The following CCDC38 variants were observed in gnomAD, a reference collection of about 807,000 sequenced individuals.
CCDC38 encodes the protein coiled-coil domain containing 38.
CCDC38 carries 69 observed loss-of-function variants against 72.8 expected under a neutral mutation model. That is an observed-to-expected ratio of 0.95 (90% confidence interval 0.78 to 1.16). CCDC38 has a LOEUF of 1.16. Ranked by LOEUF, CCDC38 falls within the 50% of genes most tolerant of loss-of-function variation. The pLI is 0.00. For missense variants in CCDC38, 626 were observed against 638.9 expected, an observed-to-expected ratio of 0.98 and a Z score of 0.22; for synonymous variants, 201 against 213.2, an observed-to-expected ratio of 0.94 and a Z score of 0.50.
intron 1 of CCDC38, among the ~76,000 whole-genome samples, chr12:95,940,803 C>CT (rs555343533): frequency 1.5e-4 from 23 of 152,134 alleles, no homozygotes; most frequent in Admixed American, 7.2e-4. Flanking sequence ...CTTTAAGGCA[C>CT]TGCTGGCGTC....
At chr12:95,886,608 T>G (rs112768798) in intron 10 of CCDC38, among the ~76,000 whole-genome samples, 3 of 152,150 alleles carry the variant, frequency 2.0e-5, no homozygotes, top group Non-Finnish European at 4.4e-5. Flanking sequence ...ATTTTCAAAA[T>G]GCAACAGTTT....
intron 13 of CCDC38, among the ~76,000 whole-genome samples, chr12:95,877,086 C>A (rs996194725): frequency 3.9e-5 from 6 of 152,076 alleles, no homozygotes; most frequent in African/African-American, 1.2e-4. Context: ...CTCTCCAGGC[C>A]TCCACAGACA....
At chr12:95,867,703 G>A (rs745771672) in intron 15 of CCDC38, among the ~76,000 whole-genome samples, 6 of 152,140 alleles carry the variant, frequency 3.9e-5, no homozygotes, top group Non-Finnish European at 8.8e-5. Context: ...GAAACCCCGA[G>A]TTCATACCTA....
chr12:95,927,346 G>A (rs1232935700), intron 2 of CCDC38, among the ~76,000 whole-genome samples: 1 of 151,172 alleles, frequency 6.6e-6, no homozygotes, highest in Non-Finnish European at 1.5e-5. Flanking sequence ...TTTTATCAGA[G>A]ACTAGGATTG....
chr12:95,896,140 T>C (rs1592772895), intron 7 of CCDC38, among the ~76,000 whole-genome samples: 1 of 151,762 alleles, frequency 6.6e-6, no homozygotes, highest in Non-Finnish European at 1.5e-5. Context: ...TGAGGACCTA[T>C]TACTACAGGC....
chr12:95,872,144 C>T (rs1201338976), intron 14 of CCDC38, 111 bp downstream of exon 14: 1 of 924,124 alleles, frequency 1.1e-6, no homozygotes, highest in Non-Finnish European at 1.7e-6. Context: ...TTTCATTCCT[C>T]CTCACTGTGT....
chr12:95,934,744 C>G (rs533300799), intron 2 of CCDC38: 1 of 150,876 alleles, frequency 6.6e-6, no homozygotes, highest in Non-Finnish European at 1.5e-5. Context: ...TGTGGTGGCT[C>G]ACACCTGTAG....
At chr12:95,907,345 T>C (rs1274276887) in intron 4 of CCDC38, among the ~76,000 whole-genome samples, 1 of 145,254 alleles carries the variant, frequency 6.9e-6, no homozygotes, top group Non-Finnish European at 1.5e-5. Context: ...TGGGTACACC[T>C]CCCAGACGGG....
chr12:95,927,700 C>T (rs1227069752), intron 2 of CCDC38, among the ~76,000 whole-genome samples: 2 of 152,136 alleles, frequency 1.3e-5, no homozygotes, highest in South Asian at 2.1e-4. Context: ...CCATGTTTAG[C>T]ACTTCCTTCA....
chr12:95,941,789 G>A (rs901071322), intron 1 of CCDC38, among the ~76,000 whole-genome samples: 1 of 151,670 alleles, frequency 6.6e-6, no homozygotes, highest in Non-Finnish European at 1.5e-5. Flanking sequence ...TAAAAGCTAT[G>A]CACACACACA....
chr12:95,898,429 T>G lies in CCDC38; in HGVS notation c.570A>C (p.Thr190=), dbSNP rs1356085659. ...AQETINKLQM[T]AELKKASMEV... ...CCATGCTTGCTTTCTTCAGCTCTGCTGTCATTTGGAGTTTGTTTATTGTTT... is the reference window on the plus strand; with the variant it reads ...CCATGCTTGCTTTCTTCAGCTCTGCGGTCATTTGGAGTTTGTTTATTGTTT... Residue 190 remains threonine (T), a synonymous_variant, in exon 7 of 16, where the codon ACA becomes ACC. Coordinates refer to ENST00000344280, the MANE Select transcript of CCDC38 (RefSeq NM_182496.3). The G allele has an allele frequency of 1.2e-5, 19 of 1,614,126 alleles. No individual in the cohort carries two copies. Among genetic ancestry groups the G allele is most frequent in the Admixed American group, 1.7e-5 (1 of 60,000 alleles).
In CCDC38 at chr12:95,879,829, TA is replaced by T; in HGVS notation, c.991-35del. 1.3e-6 allele frequency: 2 copies of T among 1,501,974 alleles called. No homozygotes were observed. The highest frequency in any genetic ancestry group is 4.5e-5 in the East Asian group (2 of 44,202). 93.0% of individuals were successfully genotyped at this position (1,501,974 alleles called of 1,614,324 possible). The stretch of plus-strand genomic sequence containing the variant: ...TCAATAATGAAGAATATAATTTACT[TA>T]AAAATATGCTACCTATGCACATGTG... On this transcript the variant is annotated intron_variant, in intron 11 of 15. Transcript: ENST00000344280. The surrounding 1 kb of genome is among the most constrained non-coding windows in gnomAD (Gnocchi z 5.5).
At chr12:95,891,321 T>A (rs1208858815) in intron 8 of CCDC38, among the ~76,000 whole-genome samples, 1 of 152,122 alleles carries the variant, frequency 6.6e-6, no homozygotes, top group Non-Finnish European at 1.5e-5. Flanking sequence ...TCTATTTGGA[T>A]CATGAACCGA....
At position 95,867,190 on chromosome 12, in the gene CCDC38, C is replaced by A; in HGVS notation, c.1579-1G>T. ...AATGAAAGACAAGTCGTCTTCCCAA[C>A]TGAAACAAAAGAAAAACAAAATACT... On this transcript the variant is annotated splice_acceptor_variant, in intron 15 of 15. Coordinates refer to ENST00000344280, the MANE Select transcript of CCDC38 (RefSeq NM_182496.3). LOFTEE classifies it high-confidence loss of function. The A allele has an allele frequency of 3.3e-6, 5 of 1,520,330 alleles. No individual in the cohort carries two copies. The highest frequency in any genetic ancestry group is 4.5e-6 in the Non-Finnish European group (5 of 1,105,378). The allele number at this position is 1,520,330 out of a possible 1,614,324, so 94.2% of individuals were successfully genotyped here.
At position 95,910,330 on chromosome 12, in the gene CCDC38, C is replaced by T. The variant is rs567516895; in HGVS notation, c.305-3879G>A. Among the ~76,000 whole-genome samples, 695 of 145,406 alleles carry T rather than the reference C, an allele frequency of 4.8e-3. 4 individuals carry two copies. The highest frequency in any genetic ancestry group is 0.017 in the African/African-American group (677 of 39,994). The stretch of plus-strand genomic sequence containing the variant: ...ACACACACACACACACACACACACA[C>T]ACAAAATACCTATGGATATTTGTAA... On this transcript the variant is annotated intron_variant, in intron 4 of 15. Transcript: ENST00000344280.
intron 4 of CCDC38, among the ~76,000 whole-genome samples, chr12:95,914,819 C>G (rs1335286334): frequency 1.3e-5 from 2 of 151,966 alleles, no homozygotes; most frequent in African/African-American, 4.8e-5. Flanking sequence ...CCAAGCCATT[C>G]ATTTGTTCAA....
At chr12:95,943,010 G>A (rs931049894), upstream of CCDC38, 6 of 160,484 alleles carry the variant, frequency 3.7e-5, no homozygotes, top group African/African-American at 9.8e-5. Flanking sequence ...CGAACACTCC[G>A]GGTGCCCTCA....
chr12:95,899,288 G>A (rs948000925), intron 5 of CCDC38, among the ~76,000 whole-genome samples: 5 of 152,108 alleles, frequency 3.3e-5, no homozygotes, highest in Non-Finnish European at 7.4e-5. Flanking sequence ...AAAAGTCCAT[G>A]TGGTGATTTT....
chr12:95,867,444 G>T (rs1475101591), intron 15 of CCDC38, among the ~76,000 whole-genome samples: 1 of 152,102 alleles, frequency 6.6e-6, no homozygotes, highest in Non-Finnish European at 1.5e-5. Context: ...GGAAAACTTA[G>T]GTAAAGTCAT....
Sources: allele counts gnomAD v4.1 joint callset (sites outside exome capture counted in the v4.1 genomes callset), GRCh38; gene constraint gnomAD v4.1.1; non-coding constraint Gnocchi (gnomAD v3.1); transcripts MANE v1.5; gene names NCBI Gene and HGNC (gene_info 2026-07-23, HGNC 2026-07-21).